CPT1C: variants seen among roughly 807,000 people sequenced by gnomAD.
The protein encoded by CPT1C is carnitine palmitoyltransferase 1C, also known as palmitoyl thioesterase CPT1C.
In CPT1C, 61 loss-of-function variants were observed where a neutral mutation model predicts 97.3. The observed-to-expected ratio is 0.63, with a 90% CI of 0.51 to 0.78. The LOEUF is 0.78. Ranked by LOEUF, CPT1C falls within the 30% of genes least tolerant of loss-of-function variation. The pLI, the probability that CPT1C is intolerant of heterozygous loss-of-function variation, is 0.00. For missense variants in CPT1C, 975 were observed against 1,065.5 expected (o/e 0.92, Z 1.18); for synonymous variants, 469 against 447.2 (o/e 1.05, Z -0.61).
chr19:49,700,271 AAAC>A (rs2082936610), intron 4 of CPT1C, among the ~76,000 whole-genome samples: 1 of 148,504 alleles, frequency 6.7e-6, no homozygotes, highest in Non-Finnish European at 1.5e-5. Context: ...ACAAAAAAAA[AAAC>A]GCTGATTGCT....
At position 49,713,536 on chromosome 19, in the gene CPT1C, G is replaced by A. The variant is rs1261712149; in HGVS notation, c.2343G>A (p.Arg781=). Reference sequence around the variant, plus strand: ...GAGGGTCAGGGAAGGAGAACTCCAGGCACAGGTGTGGATTTCTCTCCCGCC... The same window carrying A: ...GAGGGTCAGGGAAGGAGAACTCCAGACACAGGTGTGGATTTCTCTCCCGCC... ...RFRGSGKENS[R]HRCGFLSRQT... is the part of the protein sequence containing the mutation. The change falls in exon 20 of 20, where the codon AGG becomes AGA. Residue 781 remains arginine (R), a synonymous_variant. Coordinates refer to ENST00000598293, the MANE Select transcript of CPT1C (RefSeq NM_001199753.2). 6.2e-7 allele frequency: 1 copy of A among 1,614,190 alleles called. No individual in the cohort carries two copies. Among genetic ancestry groups the A allele is most frequent in the Non-Finnish European group, 8.5e-7 (1 of 1,180,036 alleles).
At chr19:49,700,200 T>C (rs912051848) in intron 4 of CPT1C, among the ~76,000 whole-genome samples, 2 of 150,272 alleles carry the variant, frequency 1.3e-5, no homozygotes, top group African/African-American at 4.9e-5. Context: ...TGAGCCGAGA[T>C]AGCACCACAG....
chr19:49,704,695 C>A lies in CPT1C; in HGVS notation c.694-15C>A. 6.2e-7 allele frequency: 1 copy of A among 1,612,306 alleles called. No individual in the cohort carries two copies. The highest frequency in any genetic ancestry group is 8.5e-7 in the Non-Finnish European group (1 of 1,178,834). ...CCCCAGCCCCTCACTGTGTGTCTCCCCACCCCGCTCCCAGGTCAGTGACTG... is the reference window on the plus strand; with the variant it reads ...CCCCAGCCCCTCACTGTGTGTCTCCACACCCCGCTCCCAGGTCAGTGACTG... On this transcript the variant is annotated splice_polypyrimidine_tract_variant and intron_variant, in intron 7 of 19. Transcript: ENST00000598293.
At chr19:49,700,560 A>G in intron 4 of CPT1C, 124 bp from the exon 5 acceptor site, 1 of 1,064,326 alleles carries the variant, frequency 9.4e-7, no homozygotes, top group South Asian at 1.5e-5. Context: ...ACCTACTAAA[A>G]TGACAAAAAT....
chr19:49,703,491 A>G (rs111454089), intron 7 of CPT1C, among the ~76,000 whole-genome samples: 14,876 of 145,690 alleles, frequency 0.1, 2,033 homozygotes, highest in African/African-American at 0.32. Context: ...GTGAGCCACC[A>G]TGCCCGGCCT....
chr19:49,700,818 CCCACGGAGCCATGTCCTCCCCCA>C lies in CPT1C; in HGVS notation c.420_442del (p.His140GlnfsTer87). The stretch of plus-strand genomic sequence containing the variant: ...TCCTACCACGGCTGGCTTCTTGAGC[CCCACGGAGCCATGTCCTCCCCCA>C]CCAAGACCTGGCTGGTATGGGAGGG... On this transcript the variant is annotated frameshift_variant, in exon 5 of 20. Coordinates refer to ENST00000598293, the MANE Select transcript of CPT1C (RefSeq NM_001199753.2). LOFTEE classifies it high-confidence loss of function. The C allele has an allele frequency of 6.2e-7, 1 of 1,613,242 alleles. No homozygotes were observed. Among genetic ancestry groups the C allele is most frequent in the Non-Finnish European group, 8.5e-7 (1 of 1,180,028 alleles).
In CPT1C at chr19:49,706,492, C is replaced by G; in HGVS notation, c.1343+79C>G. The G allele has an allele frequency of 8.1e-7, 1 of 1,241,642 alleles. No homozygotes were observed. Among genetic ancestry groups the G allele is most frequent in the Non-Finnish European group, 1.0e-6 (1 of 954,228 alleles). 76.9% of individuals were successfully genotyped at this position (1,241,642 alleles called of 1,614,324 possible). A position where few individuals can be genotyped will look rare whatever the true frequency, so the allele number is the denominator to read the frequency against. On this transcript the variant is annotated intron_variant, in intron 12 of 19. Coordinates refer to ENST00000598293, the MANE Select transcript of CPT1C (RefSeq NM_001199753.2). This position sits in a 1 kb window ranked among gnomAD's most constrained non-coding sequence, Gnocchi z 4.8. ...CAGACCTAGGACCCCTGACAGTAGA[C>G]AGCCAGACCCTGGAGCCCACACCTG...
chr19:49,696,822 G>A (rs951486860), intron 3 of CPT1C, among the ~76,000 whole-genome samples: 1 of 151,814 alleles, frequency 6.6e-6, no homozygotes, highest in Admixed American at 6.6e-5. Flanking sequence ...TACTAGAGAC[G>A]GATTTCACCA....
chr19:49,712,867 C>T lies in CPT1C; in HGVS notation c.2133+18C>T, dbSNP rs2083996615. The T allele has an allele frequency of 3.1e-6, 5 of 1,602,648 alleles. No individual in the cohort carries two copies. Among genetic ancestry groups the T allele is most frequent in the Non-Finnish European group, 4.3e-6 (5 of 1,169,908 alleles). On this transcript the variant is annotated intron_variant, in intron 18 of 19. Transcript: ENST00000598293. Reference sequence around the variant, plus strand: ...TCGGGCCTGTGAGTGGAGCTGGGCGCGCTGGCCCCCAGAGGAAAGAGGGGG... The same window carrying T: ...TCGGGCCTGTGAGTGGAGCTGGGCGTGCTGGCCCCCAGAGGAAAGAGGGGG...
At position 49,706,352 on chromosome 19, in the gene CPT1C, G is replaced by T. The variant is rs141256712; in HGVS notation, c.1282G>T (p.Asp428Tyr). Residue 428 changes from aspartate to tyrosine, a missense_variant, in exon 12 of 20, where the codon GAC (aspartate) becomes TAC (tyrosine). Physicochemically the swap from Asp to Tyr is radical, Grantham distance 160. Transcript: ENST00000598293. This position sits in a 1 kb window ranked among gnomAD's most constrained non-coding sequence, Gnocchi z 4.8. ...DAEPAGLTREDPAASLDAYAH... is the reference protein window; with the variant it reads ...DAEPAGLTREYPAASLDAYAH... ...TGAGCCCGCGGGGCTCACCAGGGAGGACCCGGCAGCGTCGTTGGATGCCTA... is the reference window on the plus strand; with the variant it reads ...TGAGCCCGCGGGGCTCACCAGGGAGTACCCGGCAGCGTCGTTGGATGCCTA... 6.6e-7 allele frequency: 1 copy of T among 1,511,204 alleles called. No homozygotes were observed. The highest frequency in any genetic ancestry group is 2.6e-5 in the East Asian group (1 of 38,548). The allele number at this position is 1,511,204 out of a possible 1,614,324, so 93.6% of individuals were successfully genotyped here. A position where few individuals can be genotyped will look rare whatever the true frequency, so the allele number is the denominator to read the frequency against.
In CPT1C at chr19:49,700,629, AG is replaced by A. The variant is rs1443662998; in HGVS notation, c.282-52del. The A allele has an allele frequency of 1.9e-6, 3 of 1,574,198 alleles. No homozygotes were observed. The African/African-American group carries it at 4.0e-5, about 21-fold the overall frequency. ...CAGGGGCTGGAGGGGGCTGGAAGGG[AG>A]GGAGGTTCTGAGGCCAGGAGACCCA... On this transcript the variant is annotated intron_variant, in intron 4 of 19. Transcript: ENST00000598293.
Position 49,701,302 on chromosome 19 carries a change from ACTC to A in CPT1C, c.454-7_454-5del, listed in dbSNP as rs1372400677. The A allele has an allele frequency of 6.2e-7, 1 of 1,602,672 alleles. No individual in the cohort carries two copies. Among genetic ancestry groups the A allele is most frequent in the Non-Finnish European group, 8.5e-7 (1 of 1,175,208 alleles). On this transcript the variant is annotated splice_polypyrimidine_tract_variant and intron_variant, in intron 5 of 19. Transcript: ENST00000598293. ...CCGGTGAGGGGTTAATGACCCGGTA[ACTC>A]CTCCTCCCCAGGCCCTGGTCCGCAT...
chr19:49,701,184 C>A lies in CPT1C; in HGVS notation c.454-133C>A, dbSNP rs887668367. The stretch of plus-strand genomic sequence containing the variant: ...CCTGTCTCTGGGTCTCTGTTCCTTT[C>A]TCTCTTGGGGTCTCCGATGCTCTTA... On this transcript the variant is annotated intron_variant, in intron 5 of 19. Coordinates refer to ENST00000598293, the MANE Select transcript of CPT1C (RefSeq NM_001199753.2). The A allele has an allele frequency of 4.7e-5, 33 of 704,796 alleles. No homozygotes were observed. The African/African-American group carries it at 5.2e-4, about 11-fold the overall frequency. The allele number at this position is 704,796 out of a possible 1,614,324, so 43.7% of individuals were successfully genotyped here.
chr19:49,700,666 C>G lies in CPT1C; in HGVS notation c.282-18C>G, dbSNP rs762410531. On this transcript the variant is annotated intron_variant, in intron 4 of 19. Coordinates refer to ENST00000598293, the MANE Select transcript of CPT1C (RefSeq NM_001199753.2). ...AGGCCAGGAGACCCAGGCCCAGCCT[C>G]TGTTTCTCTCCCCGCAGGGGTGGAC... 5 of 1,603,824 alleles carry G rather than the reference C, an allele frequency of 3.1e-6. No homozygotes were observed. The highest frequency in any genetic ancestry group is 4.2e-6 in the Non-Finnish European group (5 of 1,179,184).
At position 49,710,870 on chromosome 19, in the gene CPT1C, C is replaced by T. The variant is rs777758311; in HGVS notation, c.1866+13C>T. The T allele has an allele frequency of 6.3e-6, 10 of 1,599,306 alleles. No individual in the cohort carries two copies. In the African/African-American group the frequency reaches 1.3e-4, roughly 21 times the overall value. Reference sequence around the variant, plus strand: ...CAAAGAGAAGACGGTGGGTGCAGCCCTCGCTTGAGGCTTCAGTTATTTCTG... The same window carrying T: ...CAAAGAGAAGACGGTGGGTGCAGCCTTCGCTTGAGGCTTCAGTTATTTCTG... On this transcript the variant is annotated intron_variant, in intron 16 of 19. Coordinates refer to ENST00000598293, the MANE Select transcript of CPT1C (RefSeq NM_001199753.2).
At chr19:49,711,271 T>C (rs898571862) in intron 16 of CPT1C, 1 of 155,138 alleles carries the variant, frequency 6.4e-6, no homozygotes, top group African/African-American at 2.4e-5. Context: ...TTTTTTTTTT[T>C]TTTTTTTGTA....
At chr19:49,702,512 C>A (rs62128129) in intron 7 of CPT1C, among the ~76,000 whole-genome samples, 17 of 151,142 alleles carry the variant, frequency 1.1e-4, no homozygotes, top group African/African-American at 3.9e-4. Flanking sequence ...CCCAGCTACT[C>A]GGGAGGCTGA....
At position 49,707,643 on chromosome 19, in the gene CPT1C, C is replaced by T; in HGVS notation, c.1449+20C>T. 1 of 1,561,058 alleles carries T rather than the reference C, an allele frequency of 6.4e-7. No individual in the cohort carries two copies. Among genetic ancestry groups the T allele is most frequent in the Non-Finnish European group, 8.8e-7 (1 of 1,138,664 alleles). ...TGGGAGGTAGGGCGGCCAGCCCTCC[C>T]TGGTTCTGGGGACCCCTGCCCCATC... On this transcript the variant is annotated intron_variant, in intron 13 of 19. Coordinates refer to ENST00000598293, the MANE Select transcript of CPT1C (RefSeq NM_001199753.2).
rs762990997 is a variant in CPT1C, at chr19:49,697,330, A to T, written c.146A>T (p.Asp49Val). 2 of 1,613,794 alleles carry T rather than the reference A, an allele frequency of 1.2e-6. No individual in the cohort carries two copies. The highest frequency in any genetic ancestry group is 1.7e-6 in the Non-Finnish European group (2 of 1,179,968). ...WKRHLSRFWN[D>V]FLTGVFPASP... The stretch of plus-strand genomic sequence containing the variant: ...GATGCCCTTTCCTCCCCACAGAATG[A>T]CTTTCTCACCGGTGTGTTTCCTGCC... The change falls in exon 4 of 20, where the codon GAC becomes GTC. Residue 49 changes from aspartate (D) to valine (V), a missense_variant. By Grantham distance (152) the Asp-to-Val change is radical. This residue lies in a region of CPT1C where 596 missense variants were observed against 603.1 expected (regional missense o/e 0.99). Coordinates refer to ENST00000598293, the MANE Select transcript of CPT1C (RefSeq NM_001199753.2).
Sources: gnomAD v4.1 joint callset for allele counts (sites outside exome capture counted in the v4.1 genomes callset) on GRCh38, gnomAD v4.1.1 for gene constraint, gnomAD v4.1.1 regional missense constraint, Gnocchi (gnomAD v3.1) non-coding constraint, MANE v1.5 for transcripts, NCBI Gene and HGNC (gene_info 2026-07-23, HGNC 2026-07-21) for gene names.